The following CD38 variants were observed in gnomAD, a reference collection of about 807,000 sequenced individuals.
CD38 encodes the protein CD38 molecule, also known as ADP-ribosyl cyclase/cyclic ADP-ribose hydrolase 1.
In CD38, 31 loss-of-function variants were observed where a neutral mutation model predicts 36.3. That is an observed-to-expected ratio of 0.85 (90% confidence interval 0.64 to 1.15). The LOEUF (loss-of-function observed/expected upper bound fraction) is 1.15. Among genes scored for constraint, CD38 ranks in the 50% most tolerant of loss-of-function variants. The pLI, the probability that CD38 is intolerant of heterozygous loss-of-function variation, is 0.00. For missense variants in CD38, 380 were observed against 371.9 expected (o/e 1.02, Z -0.18); for synonymous variants, 131 against 135.2 (o/e 0.97, Z 0.22).
intron 3 of CD38, among the ~76,000 whole-genome samples, chr4:15,829,625 T>A (rs973587815): frequency 3.9e-5 from 6 of 152,210 alleles, no homozygotes; most frequent in Admixed American, 6.5e-5. Flanking sequence ...AAGCTTTTTT[T>A]AAAATGTACA....
At chr4:15,780,632 T>C (rs564842145) in intron 1 of CD38, among the ~76,000 whole-genome samples, 1 of 152,156 alleles carries the variant, frequency 6.6e-6, no homozygotes, top group African/African-American at 2.4e-5. Context: ...GGCAGCACTC[T>C]GGACTCGATC....
intron 1 of CD38, among the ~76,000 whole-genome samples, chr4:15,788,235 T>C (rs767249401): frequency 2.6e-5 from 4 of 152,162 alleles, no homozygotes; most frequent in Non-Finnish European, 4.4e-5. Flanking sequence ...GTTCAGAGCA[T>C]ATTGGATGAG....
chr4:15,829,151 C>A (rs975661046), intron 3 of CD38, among the ~76,000 whole-genome samples: 3 of 151,886 alleles, frequency 2.0e-5, no homozygotes, highest in African/African-American at 7.3e-5. Flanking sequence ...CTTTGCCCAC[C>A]TTTAAATTGA....
chr4:15,847,425 G>A (rs1724280021), intron 7 of CD38, among the ~76,000 whole-genome samples: 1 of 44,404 alleles, frequency 2.3e-5, no homozygotes, highest in Non-Finnish European at 4.0e-5. Flanking sequence ...CGGGGGAGGG[G>A]GGAGGGATAG....
chr4:15,839,978 C>A, intron 5 of CD38, 48 bp from the exon 6 acceptor site: 1 of 1,330,326 alleles, frequency 7.5e-7, no homozygotes, highest in Non-Finnish European at 1.1e-6. Flanking sequence ...GGTGTGGATG[C>A]TTTCGTTTGG....
chr4:15,812,296 T>A (rs981338055), intron 1 of CD38, among the ~76,000 whole-genome samples: 2 of 152,218 alleles, frequency 1.3e-5, no homozygotes, highest in Non-Finnish European at 2.9e-5. Flanking sequence ...CATTTCCATA[T>A]GAATTTTAAG....
At position 15,848,706 on chromosome 4, in the gene CD38, C is replaced by T. The variant is rs75472406; in HGVS notation, c.*104C>T. ...GCAGAGCTGAAGATTTTGGAGGGTC[C>T]TCCACAATAAGGTCAATGCCAGAGA... On this transcript the variant is annotated 3_prime_UTR_variant, in exon 8 of 8. Transcript: ENST00000226279. The T allele has an allele frequency of 1.6e-5, 14 of 883,500 alleles. No individual in the cohort carries two copies. In the African/African-American group the frequency reaches 1.7e-4, roughly 10 times the overall value. The allele number at this position is 883,500 out of a possible 1,614,324, so 54.7% of individuals were successfully genotyped here.
intron 2 of CD38, among the ~76,000 whole-genome samples, chr4:15,819,615 T>A (rs1340503683): frequency 6.6e-6 from 1 of 151,904 alleles, no homozygotes; most frequent in African/African-American, 2.4e-5. Flanking sequence ...CAAGTATCAA[T>A]AACCAAATAG....
intron 1 of CD38, among the ~76,000 whole-genome samples, chr4:15,804,868 T>C (rs1210108335): frequency 6.6e-6 from 1 of 152,156 alleles, no homozygotes; most frequent in African/African-American, 2.4e-5. Context: ...AGGGTGACTA[T>C]AGTGAACAAT....
At chr4:15,802,382 A>C (rs1244693888) in intron 1 of CD38, among the ~76,000 whole-genome samples, 1 of 152,150 alleles carries the variant, frequency 6.6e-6, no homozygotes, top group Non-Finnish European at 1.5e-5. Flanking sequence ...CTACAGATTC[A>C]GTGCAATCTC....
intron 1 of CD38, among the ~76,000 whole-genome samples, chr4:15,783,770 T>C (rs1475305626): frequency 1.3e-5 from 2 of 152,200 alleles, no homozygotes; most frequent in East Asian, 1.9e-4. Flanking sequence ...TCTTTTTTAT[T>C]TAACTTCCTC....
chr4:15,800,332 C>T (rs1320916249), intron 1 of CD38, among the ~76,000 whole-genome samples: 1 of 152,096 alleles, frequency 6.6e-6, no homozygotes, highest in African/African-American at 2.4e-5. Flanking sequence ...AATAGAATAG[C>T]AGAGCCATAT....
At chr4:15,796,888 C>T (rs940646808) in intron 1 of CD38, among the ~76,000 whole-genome samples, 2 of 151,970 alleles carry the variant, frequency 1.3e-5, no homozygotes, top group African/African-American at 4.8e-5. Flanking sequence ...ATGAACGTTT[C>T]GATTGTTTTA....
At chr4:15,789,559 C>T (rs1380793366) in intron 1 of CD38, among the ~76,000 whole-genome samples, 1 of 152,124 alleles carries the variant, frequency 6.6e-6, no homozygotes, top group African/African-American at 2.4e-5. Flanking sequence ...TTGTCCCCTC[C>T]AAAACTCATG....
intron 1 of CD38, among the ~76,000 whole-genome samples, chr4:15,797,388 T>C (rs765008224): frequency 1.3e-5 from 2 of 152,246 alleles, no homozygotes; most frequent in Non-Finnish European, 1.5e-5. Flanking sequence ...TAGTCTGTTA[T>C]CTTTTTTGTC....
chr4:15,800,467 G>A (rs954054452), intron 1 of CD38, among the ~76,000 whole-genome samples: 1 of 152,152 alleles, frequency 6.6e-6, no homozygotes, highest in Non-Finnish European at 1.5e-5. Context: ...TTAACATTTG[G>A]TATTGTCAGA....
intron 5 of CD38, among the ~76,000 whole-genome samples, chr4:15,839,224 G>T (rs1724144821): frequency 6.6e-6 from 1 of 151,978 alleles, no homozygotes; most frequent in African/African-American, 2.4e-5. Flanking sequence ...CTAATATTAT[G>T]GTTCAAGCAC....
At chr4:15,830,134 T>C (rs1253997193) in intron 3 of CD38, among the ~76,000 whole-genome samples, 1 of 152,246 alleles carries the variant, frequency 6.6e-6, no homozygotes, top group African/African-American at 2.4e-5. Flanking sequence ...GATCATATAA[T>C]AGCTCTATTT....
At chr4:15,802,491 G>GTTTTATTTTA (rs56373639) in intron 1 of CD38, among the ~76,000 whole-genome samples, 21,064 of 133,970 alleles carry the variant, frequency 0.16, 2,311 homozygotes, top group Non-Finnish European at 0.21. Context: ...GCAATTGTTT[G>GTTTTATTTTA]TTTTATTTTA....
Sources: gnomAD v4.1 joint callset for allele counts (sites outside exome capture counted in the v4.1 genomes callset) on GRCh38, gnomAD v4.1.1 for gene constraint, MANE v1.5 for transcripts, NCBI Gene and HGNC (gene_info 2026-07-23, HGNC 2026-07-21) for gene names.